ADGRV1: variants seen among roughly 807,000 people sequenced by gnomAD.
ADGRV1 encodes adhesion G protein-coupled receptor V1.
In ADGRV1, 359 loss-of-function variants were observed where a neutral mutation model predicts 596.2. The ratio of observed to expected loss-of-function variants is 0.60; its 90% CI spans 0.55 to 0.66. ADGRV1 has a LOEUF of 0.66. Among genes scored for constraint, ADGRV1 ranks in the 30% least tolerant of loss-of-function variants. ADGRV1 has a pLI of 0.00. For missense variants in ADGRV1, 7,274 were observed against 7,575.6 expected, an observed-to-expected ratio of 0.96 and a Z score of 1.48; for synonymous variants, 2,681 against 2,679.2, an observed-to-expected ratio of 1.00 and a Z score of -0.02.
intron 50 of ADGRV1, 21 bp from the exon 51 acceptor site, chr5:90,745,024 GT>G (rs745697674): frequency 2.0e-5 from 32 of 1,584,314 alleles, no homozygotes; most frequent in Non-Finnish European, 2.8e-5. Flanking sequence ...CACTCAAGTT[GT>G]TTTTTCTTTC....
Position 90,704,383 on chromosome 5 carries a change from A to G in ADGRV1, c.8287-6A>G. 1.9e-6 allele frequency: 3 copies of G among 1,539,106 alleles called. No individual in the cohort carries two copies. Among genetic ancestry groups the G allele is most frequent in the South Asian group, 2.4e-5 (2 of 82,504 alleles). ...AGCGGGATTGATTTCTTTCTGTATG[A>G]CATAGGGGTCGTTGAATACAACATT... On this transcript the variant is annotated splice_polypyrimidine_tract_variant and splice_region_variant and intron_variant, in intron 35 of 89. Transcript: ENST00000405460.
chr5:91,113,359 G>A (rs906161336), intron 87 of ADGRV1, among the ~76,000 whole-genome samples: 2 of 152,150 alleles, frequency 1.3e-5, no homozygotes, highest in South Asian at 2.1e-4. Flanking sequence ...TGTTGCAGGC[G>A]AAATTTCCAT....
chr5:90,940,799 A>G (rs185896977), intron 83 of ADGRV1, among the ~76,000 whole-genome samples: 3 of 150,288 alleles, frequency 2.0e-5, no homozygotes, highest in Admixed American at 2.0e-4. Context: ...AAGGAGGAGC[A>G]TTCACACTCA....
intron 78 of ADGRV1, among the ~76,000 whole-genome samples, chr5:90,843,982 T>G (rs1765650892): frequency 6.6e-6 from 1 of 152,086 alleles, no homozygotes; most frequent in Admixed American, 6.5e-5. Context: ...ATTTACCAAA[T>G]AAAAAGAAGG....
In ADGRV1 at chr5:90,684,055, G is replaced by T; in HGVS notation, c.6134G>T (p.Gly2045Val). Reference protein sequence around the residue: ...TQGRDYIPASGFALFGANQSE... With the variant: ...TQGRDYIPASVFALFGANQSE... ...GGAAGAGACTATATACCAGCTTCTG[G>T]ATTTGCTCTTTTTGGAGCTAATCAG... The change falls in exon 28 of 90, where the codon GGA becomes GTA. Residue 2045 changes from glycine (G) to valine (V), a missense_variant. Around this residue, in one of 5 missense-constraint regions of ADGRV1, gnomAD observed 3,643 missense variants for 3,809.2 expected, o/e 0.96. Coordinates refer to ENST00000405460, the MANE Select transcript of ADGRV1 (RefSeq NM_032119.4). 2.5e-6 allele frequency: 4 copies of T among 1,613,868 alleles called. No individual in the cohort carries two copies. The South Asian group carries it at 4.4e-5, about 18-fold the overall frequency.
chr5:91,104,984 C>T (rs919090202), intron 87 of ADGRV1, among the ~76,000 whole-genome samples: 5 of 151,420 alleles, frequency 3.3e-5, no homozygotes, highest in African/African-American at 9.7e-5. Flanking sequence ...TAGCCTCCCA[C>T]GTAGCTGGGA....
intron 71 of ADGRV1, among the ~76,000 whole-genome samples, chr5:90,804,016 G>C (rs1761662583): frequency 6.6e-6 from 1 of 152,184 alleles, no homozygotes; most frequent in South Asian, 2.1e-4. Context: ...GCATGTGTGT[G>C]TGTATGTGTG....
At position 91,072,582 on chromosome 5, in the gene ADGRV1, C is replaced by T; in HGVS notation, c.18288C>T (p.Phe6096=). The change falls in exon 86 of 90, where the codon TTC becomes TTT. Residue 6096 remains phenylalanine (F), a synonymous_variant. Transcript: ENST00000405460. ...AGTGGAAAGCATATGATGATGTCTT[C>T]AGAGGAAGGACAAATGCTGCAGGTT... is the stretch of plus-strand genomic sequence containing the variant. ...KPQWKAYDDV[F]RGRTNAAEIP... is the part of the protein sequence containing the mutation. 1.2e-6 allele frequency: 2 copies of T among 1,613,710 alleles called. No homozygotes were observed. Among genetic ancestry groups the T allele is most frequent in the Non-Finnish European group, 1.7e-6 (2 of 1,179,720 alleles).
chr5:90,597,468 A>C (rs1040009151), intron 1 of ADGRV1, among the ~76,000 whole-genome samples: 2 of 152,230 alleles, frequency 1.3e-5, no homozygotes, highest in East Asian at 3.8e-4. Context: ...TCATCTGATC[A>C]AAATGTGGGC....
intron 70 of ADGRV1, among the ~76,000 whole-genome samples, chr5:90,795,491 C>T (rs1760594760): frequency 6.6e-6 from 1 of 152,212 alleles, no homozygotes; most frequent in Admixed American, 6.5e-5. Flanking sequence ...AAGGCAGCAG[C>T]CCCAGTCAGG....
chr5:90,658,512 T>C (rs1769746158), intron 21 of ADGRV1, among the ~76,000 whole-genome samples: 1 of 152,214 alleles, frequency 6.6e-6, no homozygotes. Flanking sequence ...AATGAAACTT[T>C]AGCAATTCGC....
In ADGRV1 at chr5:90,703,675, A is replaced by G. The variant is rs1273487335; in HGVS notation, c.8166A>G (p.Leu2722=). 1 of 1,597,916 alleles carries G rather than the reference A, an allele frequency of 6.3e-7. No individual in the cohort carries two copies. Among genetic ancestry groups the G allele is most frequent in the Non-Finnish European group, 8.5e-7 (1 of 1,169,760 alleles). Residue 2722 remains leucine, a synonymous_variant, in exon 35 of 90, where the codon TTA becomes TTG. Transcript: ENST00000405460. The part of the protein sequence containing the change: ...RSVIGHEGEI[L]QFHVIRTFPG... The stretch of plus-strand genomic sequence containing the variant: ...ACATTTTACTTGCAGGAGAAATTTT[A>G]CAATTCCATGTGATAAGAACTTTCC...
intron 85 of ADGRV1, among the ~76,000 whole-genome samples, chr5:91,025,618 G>A (rs1273871637): frequency 1.3e-5 from 2 of 152,128 alleles, no homozygotes; most frequent in African/African-American, 4.8e-5. Flanking sequence ...AAAAGACATA[G>A]CCGGTAGAGT....
intron 71 of ADGRV1, among the ~76,000 whole-genome samples, chr5:90,803,417 T>C (rs983629552): frequency 5.9e-5 from 9 of 152,212 alleles, no homozygotes; most frequent in Non-Finnish European, 4.4e-5. Context: ...AGGCGGATTC[T>C]GTCAATATAT....
intron 85 of ADGRV1, among the ~76,000 whole-genome samples, chr5:91,050,036 C>T (rs867386413): frequency 2.0e-5 from 3 of 152,196 alleles, no homozygotes; most frequent in Non-Finnish European, 4.4e-5. Flanking sequence ...ATGTCCTCCT[C>T]CAGATCCTGC....
chr5:90,645,585 A>C (rs1767636817), intron 15 of ADGRV1, among the ~76,000 whole-genome samples: 1 of 151,980 alleles, frequency 6.6e-6, no homozygotes, highest in South Asian at 2.1e-4. Flanking sequence ...AGCTTTAGTT[A>C]CTCTAAACTC....
chr5:90,776,395 A>G, intron 60 of ADGRV1, 58 bp from the exon 61 acceptor site: 1 of 1,534,942 alleles, frequency 6.5e-7, no homozygotes, highest in Non-Finnish European at 8.9e-7. Flanking sequence ...GTTTCCAGGC[A>G]TATACTAAGT....
At chr5:90,965,753 A>G (rs1229040220) in intron 84 of ADGRV1, among the ~76,000 whole-genome samples, 1 of 152,214 alleles carries the variant, frequency 6.6e-6, no homozygotes, top group Non-Finnish European at 1.5e-5. Context: ...GATTGGAAAC[A>G]AGGGAGTGGT....
In ADGRV1 at chr5:90,790,928, G is replaced by C; in HGVS notation, c.14099G>C (p.Ser4700Thr). 6.2e-7 allele frequency: 1 copy of C among 1,612,278 alleles called. No homozygotes were observed. The highest frequency in any genetic ancestry group is 8.5e-7 in the Non-Finnish European group (1 of 1,179,792). Residue 4700 changes from serine (S) to threonine (T), a missense_variant, in exon 70 of 90, where the codon AGT becomes ACT. Around this residue, in one of 5 missense-constraint regions of ADGRV1, gnomAD observed 1,874 missense variants for 1,970.2 expected, o/e 0.95. Coordinates refer to ENST00000405460, the MANE Select transcript of ADGRV1 (RefSeq NM_032119.4). ...FDITEDFLST[S>T]GFFTIADGES... ...ATTACTGAAGACTTTCTTTCCACCA[G>C]TGGATTTTTCACCATTGCTGATGGA...
Sources: allele counts gnomAD v4.1 joint callset (sites outside exome capture counted in the v4.1 genomes callset), GRCh38; gene constraint gnomAD v4.1.1; regional missense constraint gnomAD v4.1.1; transcripts MANE v1.5; gene names NCBI Gene and HGNC (gene_info 2026-07-23, HGNC 2026-07-21).